Variants in CDK6 observed in about 807,000 individuals in gnomAD.
The protein encoded by CDK6 is cyclin dependent kinase 6, also known as cyclin-dependent kinase 6.
A neutral mutation model predicts 37.1 loss-of-function variants in CDK6; 6 were observed. That is an observed-to-expected ratio of 0.16 (90% CI 0.09 to 0.32). CDK6 has a LOEUF of 0.32. Ranked by LOEUF, CDK6 falls within the 10% of genes least tolerant of loss-of-function variation. The pLI is 1.00. For synonymous variants in CDK6, 160 were observed against 161.3 expected, an observed-to-expected ratio of 0.99 and a Z score of 0.06; for missense variants, 224 against 418.9, an observed-to-expected ratio of 0.53 and a Z score of 4.06.
intron 5 of CDK6, among the ~76,000 whole-genome samples, chr7:92,632,788 G>T (rs1194671316): frequency 1.3e-5 from 2 of 149,462 alleles, no homozygotes; most frequent in Non-Finnish European, 2.9e-5. Flanking sequence ...AATTTAAAAA[G>T]TAACAGATTA....
chr7:92,676,445 T>C (rs1180439499), intron 4 of CDK6, among the ~76,000 whole-genome samples: 5 of 152,100 alleles, frequency 3.3e-5, no homozygotes, highest in African/African-American at 1.2e-4. Flanking sequence ...GTAATGGAAG[T>C]ACTGTCTTTG....
chr7:92,644,188 T>C (rs1246092504), intron 5 of CDK6, among the ~76,000 whole-genome samples: 2 of 152,166 alleles, frequency 1.3e-5, no homozygotes, highest in African/African-American at 2.4e-5. Flanking sequence ...AAATGATACA[T>C]TTTATTATCT....
At chr7:92,800,659 C>T (rs1174430980) in intron 2 of CDK6, among the ~76,000 whole-genome samples, 1 of 152,164 alleles carries the variant, frequency 6.6e-6, no homozygotes, top group Admixed American at 6.6e-5. Context: ...GCTCAATTAA[C>T]CTCTGTTAAA....
At chr7:92,673,835 T>C (rs1199613604) in intron 4 of CDK6, among the ~76,000 whole-genome samples, 1 of 151,966 alleles carries the variant, frequency 6.6e-6, no homozygotes, top group Non-Finnish European at 1.5e-5. Context: ...TGGAGTGCAG[T>C]GGCATGATCT....
At chr7:92,661,429 C>G (rs550875035) in intron 5 of CDK6, among the ~76,000 whole-genome samples, 2 of 152,260 alleles carry the variant, frequency 1.3e-5, no homozygotes, top group East Asian at 3.9e-4. Flanking sequence ...TTTGACTCCC[C>G]TAAGACTTAA....
chr7:92,761,142 A>T (rs1046805199), intron 3 of CDK6, among the ~76,000 whole-genome samples: 4 of 151,968 alleles, frequency 2.6e-5, no homozygotes, highest in Non-Finnish European at 5.9e-5. Flanking sequence ...TATTTATAAT[A>T]TTTTCAGTCT....
intron 4 of CDK6, among the ~76,000 whole-genome samples, chr7:92,682,720 CAG>C (rs1797364772): frequency 6.6e-6 from 1 of 152,188 alleles, no homozygotes; most frequent in African/African-American, 2.4e-5. Context: ...CAGGGCAGGA[CAG>C]AGTGTTTCTA....
chr7:92,800,410 C>T (rs1800540001), intron 2 of CDK6, among the ~76,000 whole-genome samples: 2 of 152,120 alleles, frequency 1.3e-5, no homozygotes, highest in South Asian at 4.1e-4. Flanking sequence ...TGTTTGGAGC[C>T]TCATTTTCTT....
At chr7:92,718,368 T>C (rs1473682623) in intron 4 of CDK6, among the ~76,000 whole-genome samples, 2 of 152,180 alleles carry the variant, frequency 1.3e-5, no homozygotes, top group African/African-American at 4.8e-5. Flanking sequence ...TTATTCAGTA[T>C]GCACTGGCAG....
intron 2 of CDK6, among the ~76,000 whole-genome samples, chr7:92,808,150 T>TA (rs1299541171): frequency 6.6e-6 from 1 of 152,190 alleles, no homozygotes; most frequent in African/African-American, 2.4e-5. Flanking sequence ...TGTTTAGTGA[T>TA]AGTTAAGTAG....
Position 92,609,987 on chromosome 7 carries a change from G to T in CDK6, c.*5153C>A, listed in dbSNP as rs1469543661. The T allele has an allele frequency of 4.4e-6, 1 of 229,736 alleles. No homozygotes were observed. The highest frequency in any genetic ancestry group is 8.6e-6 in the Non-Finnish European group (1 of 116,042). The allele number at this position is 229,736 out of a possible 1,614,324, so 14.2% of individuals were successfully genotyped here. A position where few individuals can be genotyped will look rare whatever the true frequency, so the allele number is the denominator to read the frequency against. On this transcript the variant is annotated 3_prime_UTR_variant, in exon 8 of 8. Transcript: ENST00000424848. ...CTATTAATCATCCCAAAAAACAAGT[G>T]CTAGGAAAGAGTTAAATATGCGCAG...
intron 5 of CDK6, among the ~76,000 whole-genome samples, chr7:92,669,547 C>G (rs952869077): frequency 6.6e-6 from 1 of 152,166 alleles, no homozygotes; most frequent in Non-Finnish European, 1.5e-5. Flanking sequence ...TTTCTGTAAT[C>G]AACTCTTGGC....
At chr7:92,684,597 C>T (rs573957793) in intron 4 of CDK6, among the ~76,000 whole-genome samples, 2 of 152,298 alleles carry the variant, frequency 1.3e-5, no homozygotes, top group South Asian at 4.1e-4. Flanking sequence ...CATCACCCTT[C>T]CTCCCTAACA....
intron 4 of CDK6, among the ~76,000 whole-genome samples, chr7:92,701,002 A>G (rs1023115588): frequency 3.3e-5 from 5 of 152,238 alleles, no homozygotes; most frequent in Non-Finnish European, 7.3e-5. Context: ...AAAGAGGCAG[A>G]CGACAGAGAC....
intron 3 of CDK6, among the ~76,000 whole-genome samples, chr7:92,746,908 C>T (rs183226515): frequency 6.6e-6 from 1 of 152,094 alleles, no homozygotes; most frequent in Admixed American, 6.6e-5. Context: ...ATTTTAATAA[C>T]CTAAAATCAG....
rs371498220 is a variant in CDK6, at chr7:92,620,288, T to C, written c.699-2081A>G. Among the ~76,000 whole-genome samples the C allele has an allele frequency of 3.3e-5, 5 of 152,242 alleles. No homozygotes were observed. The East Asian group carries it at 7.7e-4, about 24-fold the overall frequency. On this transcript the variant is annotated intron_variant, in intron 6 of 7. Coordinates refer to ENST00000424848, the MANE Select transcript of CDK6 (RefSeq NM_001145306.2). The stretch of plus-strand genomic sequence containing the variant: ...AATTTTAAACAAACACATAACTATA[T>C]ATATAAAACTTTAAGTCTATCACCT...
At chr7:92,754,520 A>G (rs1799265079) in intron 3 of CDK6, among the ~76,000 whole-genome samples, 3 of 152,204 alleles carry the variant, frequency 2.0e-5, no homozygotes, top group African/African-American at 4.8e-5. Flanking sequence ...TGGAACAAAC[A>G]TAATTTCACA....
chr7:92,626,043 AGTT>A (rs939276115), intron 5 of CDK6, among the ~76,000 whole-genome samples: 2 of 151,994 alleles, frequency 1.3e-5, no homozygotes, highest in Admixed American at 6.6e-5. Context: ...TCTATTCTAG[AGTT>A]GTTATCAGTT....
At chr7:92,633,072 A>C (rs941337831) in intron 5 of CDK6, among the ~76,000 whole-genome samples, 1 of 152,092 alleles carries the variant, frequency 6.6e-6, no homozygotes, top group Non-Finnish European at 1.5e-5. Context: ...ATGACTGAAT[A>C]AAACTCAAAT....
Sources: allele counts gnomAD v4.1 joint callset (sites outside exome capture counted in the v4.1 genomes callset), GRCh38; gene constraint gnomAD v4.1.1; transcripts MANE v1.5; gene names NCBI Gene and HGNC (gene_info 2026-07-23, HGNC 2026-07-21).